RNF220: variants seen among roughly 807,000 people sequenced by gnomAD.
RNF220 encodes the protein E3 ubiquitin-protein ligase RNF220.
Under a neutral mutation model 67.1 loss-of-function variants are expected in RNF220, and 7 were observed. That is an observed-to-expected ratio of 0.10 (90% CI 0.06 to 0.20). RNF220 has a LOEUF of 0.20. RNF220 is among the 10% of genes least tolerant of loss of function. RNF220 has a pLI of 1.00. For missense variants in RNF220, 565 were observed against 740.3 expected (o/e 0.76, Z 2.75); for synonymous variants, 270 against 283.2 (o/e 0.95, Z 0.47).
chr1:44,596,862 TG>T (rs1410147090), intron 2 of RNF220, among the ~76,000 whole-genome samples: 1 of 152,224 alleles, frequency 6.6e-6, no homozygotes, highest in Non-Finnish European at 1.5e-5. Flanking sequence ...ACTAAATGAA[TG>T]TGATTGCCCA....
At chr1:44,555,509 C>T (rs779926282) in intron 2 of RNF220, among the ~76,000 whole-genome samples, 1 of 152,054 alleles carries the variant, frequency 6.6e-6, no homozygotes, top group Non-Finnish European at 1.5e-5. Context: ...GAGTCTCGCT[C>T]TGTCACCCAG....
chr1:44,645,367 G>A lies in RNF220; in HGVS notation c.1367-43G>A, dbSNP rs1644610327. ...TCAAGCCCAACCCCTCACCTGTGCT[G>A]CCCAGTCTGGCCGGAGTGTGAGTTG... On this transcript the variant is annotated intron_variant, in intron 11 of 14. Transcript: ENST00000361799. This position sits in a 1 kb window ranked among gnomAD's most constrained non-coding sequence, Gnocchi z 5.0. 2 of 1,613,284 alleles carry A rather than the reference G, an allele frequency of 1.2e-6. No individual in the cohort carries two copies. The highest frequency in any genetic ancestry group is 2.2e-5 in the South Asian group (2 of 91,052).
chr1:44,445,691 C>G (rs1001879601), intron 2 of RNF220, among the ~76,000 whole-genome samples: 1 of 152,216 alleles, frequency 6.6e-6, no homozygotes, highest in African/African-American at 2.4e-5. Context: ...TCTATAAAAC[C>G]TTTACCAACT....
rs1360030408 is a variant in RNF220, at chr1:44,626,553, T to C, written c.906+155T>C. The C allele has an allele frequency of 1.3e-5, 8 of 621,650 alleles. No homozygotes were observed. The Admixed American group carries it at 1.9e-4, about 15-fold the overall frequency. 38.5% of individuals were successfully genotyped at this position (621,650 alleles called of 1,614,324 possible). A position where few individuals can be genotyped will look rare whatever the true frequency, so the allele number is the denominator to read the frequency against. On this transcript the variant is annotated intron_variant, in intron 5 of 14. Transcript: ENST00000361799. ...CTGTGTCCCGTGCCCCTAAGTGAAC[T>C]CAGGAGGCATACGTGTCAGGGAATA... is the stretch of plus-strand genomic sequence containing the variant.
At chr1:44,476,718 T>G (rs1427148305) in intron 2 of RNF220, among the ~76,000 whole-genome samples, 3 of 152,212 alleles carry the variant, frequency 2.0e-5, no homozygotes, top group Admixed American at 6.5e-5. Context: ...CTTGCAACCA[T>G]CAGGCTAGAG....
chr1:44,510,817 G>T (rs1487593832), intron 2 of RNF220, among the ~76,000 whole-genome samples: 1 of 152,166 alleles, frequency 6.6e-6, no homozygotes, highest in African/African-American at 2.4e-5. Context: ...GCACTAAGGG[G>T]CTTAATACGG....
At chr1:44,432,584 G>A (rs1219250650) in intron 2 of RNF220, among the ~76,000 whole-genome samples, 4 of 151,474 alleles carry the variant, frequency 2.6e-5, no homozygotes, top group African/African-American at 7.3e-5. Context: ...TGTCTGTTTA[G>A]AAGCAGGGTC....
intron 12 of RNF220, chr1:44,648,495 T>C (rs1644707877): frequency 6.6e-6 from 1 of 152,214 alleles, no homozygotes; most frequent in Non-Finnish European, 1.5e-5. Context: ...TGGATCCTGT[T>C]CATTTGTTTT....
chr1:44,638,951 A>G (rs1403220461), intron 8 of RNF220, among the ~76,000 whole-genome samples: 1 of 152,232 alleles, frequency 6.6e-6, no homozygotes. Flanking sequence ...GAAATACTTA[A>G]GCTGTGTGTC....
chr1:44,615,356 C>A (rs1163880610), intron 3 of RNF220, among the ~76,000 whole-genome samples: 1 of 152,074 alleles, frequency 6.6e-6, no homozygotes, highest in Non-Finnish European at 1.5e-5. Flanking sequence ...AGGACATACA[C>A]CCCCCTTTTG....
At chr1:44,508,927 CAA>C (rs755250172) in intron 2 of RNF220, among the ~76,000 whole-genome samples, 8 of 152,240 alleles carry the variant, frequency 5.3e-5, no homozygotes, top group Middle Eastern at 3.4e-3. Flanking sequence ...AACTGGGACT[CAA>C]GAGAGATTAA....
intron 2 of RNF220, among the ~76,000 whole-genome samples, chr1:44,534,966 G>A (rs1439663446): frequency 1.3e-5 from 2 of 152,090 alleles, no homozygotes; most frequent in African/African-American, 4.8e-5. Context: ...CGGGAAAGGG[G>A]GAGCTATTGA....
intron 12 of RNF220, among the ~76,000 whole-genome samples, chr1:44,646,744 C>T (rs973855672): frequency 6.6e-6 from 1 of 152,194 alleles, no homozygotes; most frequent in African/African-American, 2.4e-5. Context: ...CCTGTGTGAG[C>T]ACAGGCACCC....
chr1:44,573,842 G>A (rs1215410986), intron 2 of RNF220, among the ~76,000 whole-genome samples: 1 of 152,186 alleles, frequency 6.6e-6, no homozygotes, highest in African/African-American at 2.4e-5. Flanking sequence ...GGCTGGGCGT[G>A]GTGGCTCACC....
At chr1:44,500,265 G>A (rs1303518668) in intron 2 of RNF220, among the ~76,000 whole-genome samples, 1 of 152,200 alleles carries the variant, frequency 6.6e-6, no homozygotes, top group Non-Finnish European at 1.5e-5. Flanking sequence ...TAGCCTTTTA[G>A]TTCCTTAATT....
At chr1:44,473,636 A>G (rs1488952703) in intron 2 of RNF220, among the ~76,000 whole-genome samples, 1 of 152,176 alleles carries the variant, frequency 6.6e-6, no homozygotes, top group Non-Finnish European at 1.5e-5. Flanking sequence ...GCAAACCTCA[A>G]CAGTGAACCA....
chr1:44,564,970 C>G (rs935820687), intron 2 of RNF220, among the ~76,000 whole-genome samples: 9 of 152,004 alleles, frequency 5.9e-5, no homozygotes, highest in African/African-American at 2.2e-4. Flanking sequence ...ATGGGCCTGG[C>G]CTGAATCAAC....
chr1:44,593,857 G>A (rs924061792), intron 2 of RNF220, among the ~76,000 whole-genome samples: 3 of 151,688 alleles, frequency 2.0e-5, no homozygotes, highest in African/African-American at 7.3e-5. Context: ...CCAAGGCGTG[G>A]GTGGATCATT....
rs368079220 is a variant in RNF220, at chr1:44,555,570, G to A, written c.626-58595G>A. ...GCTCACTGCAAGCTCCGCCTCCCGGGTTCACGCCATTCTCCTGCCTCAGCC... is the reference window on the plus strand; with the variant it reads ...GCTCACTGCAAGCTCCGCCTCCCGGATTCACGCCATTCTCCTGCCTCAGCC... On this transcript the variant is annotated intron_variant, in intron 2 of 14. Coordinates refer to ENST00000361799, the MANE Select transcript of RNF220 (RefSeq NM_018150.4). 7.5e-4 allele frequency among the ~76,000 whole-genome samples: 114 copies of A among 151,898 alleles called. 3 individuals are homozygous for A. In the East Asian group the frequency reaches 0.014, roughly 19 times the overall value.
Sources: gnomAD v4.1 joint callset for allele counts (sites outside exome capture counted in the v4.1 genomes callset) on GRCh38, gnomAD v4.1.1 for gene constraint, Gnocchi (gnomAD v3.1) non-coding constraint, MANE v1.5 for transcripts, NCBI Gene and HGNC (gene_info 2026-07-23, HGNC 2026-07-21) for gene names.